SNED1: variants seen among roughly 807,000 people sequenced by gnomAD.
SNED1 encodes sushi, nidogen and EGF-like domain-containing protein 1.
SNED1 carries 81 observed loss-of-function variants against 166.7 expected under a neutral mutation model. The observed-to-expected ratio is 0.49, with a 90% CI of 0.41 to 0.58. The LOEUF is 0.58. Ranked by LOEUF, SNED1 falls within the 20% of genes least tolerant of loss-of-function variation. The probability of loss-of-function intolerance (pLI) is 0.00; values close to 1 mark genes in which losing one functional copy is unlikely to be tolerated. For synonymous variants in SNED1, 762 were observed against 822.0 expected, an observed-to-expected ratio of 0.93 and a Z score of 1.25; for missense variants, 1,604 against 2,000.2, an observed-to-expected ratio of 0.80 and a Z score of 3.78.
Position 241,071,717 on chromosome 2 carries a change from C to CCCCCCCGT in SNED1, c.3732_3733insCCCCCGTC (p.Arg1245ProfsTer15). 6.6e-7 allele frequency: 1 copy of CCCCCCCGT among 1,505,872 alleles called. No homozygotes were observed. Among genetic ancestry groups the CCCCCCCGT allele is most frequent in the Non-Finnish European group, 9.0e-7 (1 of 1,115,012 alleles). The allele number at this position is 1,505,872 out of a possible 1,614,324, so 93.3% of individuals were successfully genotyped here. ...GCCCCCGAGACCCCCACCCAGCCCCCCAGGTACATGCCCCACCCATCGGCC... is the reference window on the plus strand; with the variant it reads ...GCCCCCGAGACCCCCACCCAGCCCCCCCCCCCGTCAGGTACATGCCCCACCCATCGGCC... On this transcript the variant is annotated frameshift_variant, in exon 25 of 32. Transcript: ENST00000310397. LOFTEE classifies it high-confidence loss of function.
At chr2:241,005,927 C>T (rs192412789) in intron 1 of SNED1, among the ~76,000 whole-genome samples, 2 of 152,014 alleles carry the variant, frequency 1.3e-5, no homozygotes, top group Admixed American at 1.3e-4. Flanking sequence ...GATTTGTGAG[C>T]GTATAGTTTC....
At position 241,051,632 on chromosome 2, in the gene SNED1, T is replaced by C. The variant is rs1232133561; in HGVS notation, c.1736-112T>C. 1 of 858,062 alleles carries C rather than the reference T, an allele frequency of 1.2e-6. No homozygotes were observed. Among genetic ancestry groups the C allele is most frequent in the Non-Finnish European group, 1.7e-6 (1 of 587,654 alleles). The allele number at this position is 858,062 out of a possible 1,614,324, so 53.2% of individuals were successfully genotyped here. A position where few individuals can be genotyped will look rare whatever the true frequency, so the allele number is the denominator to read the frequency against. ...GCTGCAGCCAGGCCCCAGGGCTTCG[T>C]CGAGAAGGCCCCACCAGCACCAGAG... On this transcript the variant is annotated intron_variant, in intron 12 of 31. Coordinates refer to ENST00000310397, the MANE Select transcript of SNED1 (RefSeq NM_001080437.3). The surrounding 1 kb of genome is among the most constrained non-coding windows in gnomAD (Gnocchi z 4.7).
In SNED1 at chr2:240,998,651, C is replaced by T. The variant is rs374162367; in HGVS notation, c.-187C>T. 8.2e-4 allele frequency among the ~76,000 whole-genome samples: 124 copies of T among 151,210 alleles called. 3 individuals carry two copies. In the East Asian group the frequency reaches 0.022, roughly 27 times the overall value. ...ACGCGGTCCCGCCCGGCGCTTTCCT[C>T]TGCGGAGCTGCGGCGAGAGCGCGGC... On this transcript the variant is annotated 5_prime_UTR_variant, in exon 1 of 32. Transcript: ENST00000310397.
At chr2:241,085,654 T>A (rs576531821) in intron 29 of SNED1, among the ~76,000 whole-genome samples, 1 of 152,236 alleles carries the variant, frequency 6.6e-6, no homozygotes, top group Non-Finnish European at 1.5e-5. Context: ...TATAGTTTTT[T>A]ATTGGATGCT....
At chr2:241,089,946 TA>T (rs1435294576) in intron 31 of SNED1, 1 of 1,542,650 alleles carries the variant, frequency 6.5e-7, no homozygotes, top group Non-Finnish European at 8.7e-7. Context: ...AAACCTACAG[TA>T]AAAATAGATA....
At chr2:241,024,251 T>A (rs1483464841) in intron 1 of SNED1, among the ~76,000 whole-genome samples, 1 of 126,648 alleles carries the variant, frequency 7.9e-6, no homozygotes, top group African/African-American at 3.1e-5. Context: ...TTTTTTTTTT[T>A]TTTTTTTTTT....
At chr2:241,086,179 T>C (rs995312421) in intron 29 of SNED1, among the ~76,000 whole-genome samples, 2 of 152,204 alleles carry the variant, frequency 1.3e-5, no homozygotes, top group African/African-American at 4.8e-5. Context: ...GTCTGGGGTT[T>C]CTATGGATGG....
chr2:241,052,309 C>T (rs764822446), intron 14 of SNED1, 46 bp from the exon 15 acceptor site: 17 of 1,514,654 alleles, frequency 1.1e-5, no homozygotes, highest in Non-Finnish European at 1.5e-5. Flanking sequence ...CAGTCCCGAG[C>T]CTTCAGGGAA....
intron 1 of SNED1, among the ~76,000 whole-genome samples, chr2:241,024,999 C>A (rs527298721): frequency 2.6e-5 from 4 of 152,266 alleles, no homozygotes; most frequent in African/African-American, 7.2e-5. Context: ...TCCCCTCTAT[C>A]AGTATAGAAT....
chr2:241,001,192 C>G (rs910117811), intron 1 of SNED1, among the ~76,000 whole-genome samples: 10 of 152,232 alleles, frequency 6.6e-5, no homozygotes, highest in Non-Finnish European at 1.3e-4. Flanking sequence ...GCAGTGACCT[C>G]TGCGCTCCTC....
intron 1 of SNED1, among the ~76,000 whole-genome samples, chr2:241,016,997 C>T (rs1184574554): frequency 6.6e-6 from 1 of 151,878 alleles, no homozygotes; most frequent in African/African-American, 2.4e-5. Flanking sequence ...GGATTACAGG[C>T]ATGCACCTCC....
chr2:241,032,813 G>C (rs193226837), intron 2 of SNED1, among the ~76,000 whole-genome samples: 1 of 152,162 alleles, frequency 6.6e-6, no homozygotes, highest in East Asian at 1.9e-4. Context: ...ACTGTGATGT[G>C]TCTCTTCATA....
At chr2:241,054,295 C>T (rs1357974602) in intron 16 of SNED1, among the ~76,000 whole-genome samples, 1 of 152,142 alleles carries the variant, frequency 6.6e-6, no homozygotes, top group Non-Finnish European at 1.5e-5. Context: ...CCTCAGAAAA[C>T]AATAATAAAA....
In SNED1 at chr2:241,073,218, C is replaced by G; in HGVS notation, c.3818-48C>G. Reference sequence around the variant, plus strand: ...CAAAAGGGTGGCCCCAGGACCATCCCGGGTGCAAAGCAGCTGCGCCGTGTG... The same window carrying G: ...CAAAAGGGTGGCCCCAGGACCATCCGGGGTGCAAAGCAGCTGCGCCGTGTG... On this transcript the variant is annotated intron_variant, in intron 26 of 31. Coordinates refer to ENST00000310397, the MANE Select transcript of SNED1 (RefSeq NM_001080437.3). The surrounding 1 kb of genome is among the most constrained non-coding windows in gnomAD (Gnocchi z 6.6). 2 of 1,402,314 alleles carry G rather than the reference C, an allele frequency of 1.4e-6. No individual in the cohort carries two copies. Among genetic ancestry groups the G allele is most frequent in the Non-Finnish European group, 2.0e-6 (2 of 1,014,116 alleles). 86.9% of individuals were successfully genotyped at this position (1,402,314 alleles called of 1,614,324 possible). A position where few individuals can be genotyped will look rare whatever the true frequency, so the allele number is the denominator to read the frequency against.
chr2:241,082,802 TG>T (rs964460436), intron 29 of SNED1, among the ~76,000 whole-genome samples: 2 of 152,196 alleles, frequency 1.3e-5, no homozygotes, highest in African/African-American at 4.8e-5. Flanking sequence ...AAATGGGCTG[TG>T]GAGGGAGAGA....
At chr2:241,063,535 G>A in intron 17 of SNED1, 52 bp from the exon 18 acceptor site, 1 of 1,211,854 alleles carries the variant, frequency 8.3e-7, no homozygotes, top group Non-Finnish European at 1.2e-6. Context: ...GGGGGCATGT[G>A]GGCGCCTCAG....
At position 241,065,554 on chromosome 2, in the gene SNED1, A is replaced by G; in HGVS notation, c.2969A>G (p.Lys990Arg). The G allele has an allele frequency of 9.3e-6, 15 of 1,612,798 alleles. No homozygotes were observed. Among genetic ancestry groups the G allele is most frequent in the Non-Finnish European group, 1.1e-5 (13 of 1,179,816 alleles). The change falls in exon 21 of 32, where the codon AAG (lysine) becomes AGG (arginine). Residue 990 changes from lysine (K) to arginine (R), a missense_variant. This residue lies in a region of SNED1 where 1,237 missense variants were observed against 1,620.8 expected (regional missense o/e 0.76). Transcript: ENST00000310397. ...TCAGTGAAGCGAAACAGTAACAACA[A>G]GAATGACATCAGCAGGCCTGCCGTG... is the stretch of plus-strand genomic sequence containing the variant. ...VFSVKRNSNNKNDISRPAVLL... is the reference protein window; with the variant it reads ...VFSVKRNSNNRNDISRPAVLL...
In SNED1 at chr2:241,077,530, C is replaced by T. The variant is rs563995139; in HGVS notation, c.3917-4147C>T. Among the ~76,000 whole-genome samples, 296 of 152,156 alleles carry T rather than the reference C, an allele frequency of 1.9e-3. 7 individuals carry two copies. The South Asian group carries it at 0.057, about 29-fold the overall frequency. On this transcript the variant is annotated intron_variant, in intron 27 of 31. Coordinates refer to ENST00000310397, the MANE Select transcript of SNED1 (RefSeq NM_001080437.3). ...TGCAAATCATACCTGATCAGAGACC[C>T]GCGTCTAAAATAAAGAGCTCTGACA...
intron 1 of SNED1, among the ~76,000 whole-genome samples, chr2:241,012,229 A>G (rs11896861): frequency 7.1e-4 from 108 of 152,250 alleles, no homozygotes; most frequent in African/African-American, 2.3e-3. Flanking sequence ...CTGCCCCCAG[A>G]TGCTTCTCCC....
Sources: allele counts gnomAD v4.1 joint callset (sites outside exome capture counted in the v4.1 genomes callset), GRCh38; gene constraint gnomAD v4.1.1; regional missense constraint gnomAD v4.1.1; non-coding constraint Gnocchi (gnomAD v3.1); transcripts MANE v1.5; gene names NCBI Gene and HGNC (gene_info 2026-07-23, HGNC 2026-07-21).